Variants in KCNMA1 observed in about 807,000 individuals in gnomAD.
KCNMA1 encodes the protein Calcium-activated potassium channel subunit alpha-1.
KCNMA1 carries 29 observed loss-of-function variants against 140.0 expected under a neutral mutation model. The observed-to-expected ratio is 0.21, with a 90% CI of 0.15 to 0.28. KCNMA1 has a LOEUF of 0.28. KCNMA1 is among the 10% of genes least tolerant of loss of function. The pLI is 1.00. For missense variants in KCNMA1, 880 were observed against 1,602.2 expected (o/e 0.55, Z 7.70); for synonymous variants, 612 against 611.9 (o/e 1.00, Z 0.00).
chr10:77,414,898 G>A (rs2096705956), intron 1 of KCNMA1, among the ~76,000 whole-genome samples: 1 of 152,138 alleles, frequency 6.6e-6, no homozygotes, highest in East Asian at 1.9e-4. Context: ...TAACTCTGAA[G>A]GCCATATTTT....
At chr10:77,571,842 A>AC (rs1464997839) in intron 1 of KCNMA1, among the ~76,000 whole-genome samples, 4 of 152,188 alleles carry the variant, frequency 2.6e-5, no homozygotes, top group Admixed American at 1.3e-4. Flanking sequence ...AGCTAGATAC[A>AC]CCTTTCTTTG....
At chr10:76,936,460 C>G (rs539648460) in intron 23 of KCNMA1, among the ~76,000 whole-genome samples, 25 of 152,254 alleles carry the variant, frequency 1.6e-4, no homozygotes, top group African/African-American at 4.8e-4. Context: ...GGGACGGAAG[C>G]CAACAGCAGT....
At chr10:77,252,560 G>T (rs2059870787) in intron 2 of KCNMA1, among the ~76,000 whole-genome samples, 3 of 87,508 alleles carry the variant, frequency 3.4e-5, no homozygotes, top group South Asian at 3.7e-4. Flanking sequence ...TGTGTGTGCG[G>T]GCACGTGTGC....
intron 1 of KCNMA1, among the ~76,000 whole-genome samples, chr10:77,426,285 T>A (rs674840): frequency 0.47 from 71,849 of 152,016 alleles, 18,149 homozygotes; most frequent in African/African-American, 0.65. Context: ...TGGGCACTCA[T>A]ATAAAGCTTA....
chr10:77,628,430 T>C (rs1603639013), intron 1 of KCNMA1, among the ~76,000 whole-genome samples: 2 of 151,986 alleles, frequency 1.3e-5, no homozygotes, highest in South Asian at 4.1e-4. Context: ...CCAAGGCGGG[T>C]GGATCATTTG....
At chr10:77,394,328 T>C (rs2095955424) in intron 2 of KCNMA1, among the ~76,000 whole-genome samples, 2 of 152,152 alleles carry the variant, frequency 1.3e-5, no homozygotes, top group African/African-American at 4.8e-5. Flanking sequence ...GCTAGTAAAA[T>C]TAACAGCTGC....
intron 5 of KCNMA1, among the ~76,000 whole-genome samples, chr10:77,154,815 C>T (rs1369527999): frequency 2.6e-5 from 4 of 152,212 alleles, no homozygotes; most frequent in African/African-American, 9.7e-5. Flanking sequence ...CAAGAAACAA[C>T]TAAACAATGA....
chr10:77,252,011 G>A (rs1312862687), intron 2 of KCNMA1, among the ~76,000 whole-genome samples: 2 of 152,182 alleles, frequency 1.3e-5, no homozygotes, highest in African/African-American at 4.8e-5. Flanking sequence ...GAAATATTTA[G>A]GAAAGTAGTT....
At chr10:77,453,304 A>G (rs1351477469) in intron 1 of KCNMA1, among the ~76,000 whole-genome samples, 1 of 152,068 alleles carries the variant, frequency 6.6e-6, no homozygotes, top group African/African-American at 2.4e-5. Context: ...TCTGACACCC[A>G]CTGAGAAATT....
At chr10:77,004,225 A>ACACACACC (rs1358021190) in intron 18 of KCNMA1, among the ~76,000 whole-genome samples, 1 of 151,638 alleles carries the variant, frequency 6.6e-6, no homozygotes, top group African/African-American at 2.4e-5. Context: ...ACACACACAC[A>ACACACACC]CACACACACA....
chr10:77,359,204 C>T (rs915375043), intron 2 of KCNMA1, among the ~76,000 whole-genome samples: 1 of 152,176 alleles, frequency 6.6e-6, no homozygotes, highest in Admixed American at 6.5e-5. Context: ...GCCTGCAGTT[C>T]TGCTGTTACC....
At chr10:77,601,873 A>T (rs1201667378) in intron 1 of KCNMA1, among the ~76,000 whole-genome samples, 2 of 152,086 alleles carry the variant, frequency 1.3e-5, no homozygotes, top group Non-Finnish European at 2.9e-5. Flanking sequence ...GGTGGCGCAG[A>T]CTCTGCTAAT....
intron 1 of KCNMA1, among the ~76,000 whole-genome samples, chr10:77,420,455 G>A (rs1245438288): frequency 2.0e-5 from 3 of 152,204 alleles, no homozygotes; most frequent in African/African-American, 2.4e-5. Flanking sequence ...TAGAGCTAAC[G>A]TCTCCAGGGC....
Position 76,886,946 on chromosome 10 carries a change from T to C in KCNMA1, c.*320A>G, listed in dbSNP as rs200592558. ...ATAAACTTGCTCTGCCTAACTGACGTTGATCACAAGTGCTCCCTTCTAATC... is the reference window on the plus strand; with the variant it reads ...ATAAACTTGCTCTGCCTAACTGACGCTGATCACAAGTGCTCCCTTCTAATC... On this transcript the variant is annotated 3_prime_UTR_variant, in exon 28 of 28. Transcript: ENST00000286628. 1.1e-5 allele frequency: 13 copies of C among 1,202,966 alleles called. No homozygotes were observed. Among genetic ancestry groups the C allele is most frequent in the African/African-American group, 1.6e-5 (1 of 63,762 alleles). The allele number at this position is 1,202,966 out of a possible 1,614,324, so 74.5% of individuals were successfully genotyped here.
intron 2 of KCNMA1, among the ~76,000 whole-genome samples, chr10:77,262,842 T>A (rs1388512100): frequency 1.3e-5 from 2 of 151,998 alleles, no homozygotes; most frequent in Non-Finnish European, 2.9e-5. Context: ...CCAAGATAAA[T>A]CTCTTTTCTT....
chr10:77,466,145 C>G lies in KCNMA1; in HGVS notation c.379-62122G>C, dbSNP rs76408680. 8.7e-3 allele frequency among the ~76,000 whole-genome samples: 1,323 copies of G among 152,256 alleles called. 19 individuals are homozygous for G. Among genetic ancestry groups the G allele is most frequent in the African/African-American group, 0.03 (1,266 of 41,538 alleles). ...CCCAGACCTCTCTGCCCCTCTGAAG[C>G]CTGGCTGCCCTCACTCCTCGATCCT... On this transcript the variant is annotated intron_variant, in intron 1 of 27. Transcript: ENST00000286628.
intron 22 of KCNMA1, among the ~76,000 whole-genome samples, chr10:76,947,155 T>C (rs745435362): frequency 4.1e-5 from 6 of 146,912 alleles, no homozygotes; most frequent in Non-Finnish European, 9.0e-5. Flanking sequence ...GCCAACATGG[T>C]GAAACCCTGT....
intron 1 of KCNMA1, among the ~76,000 whole-genome samples, chr10:77,432,099 C>A (rs1436823410): frequency 6.6e-6 from 1 of 152,196 alleles, no homozygotes; most frequent in South Asian, 2.1e-4. Flanking sequence ...TCCAGGCTCC[C>A]AGAGCCACAG....
At chr10:77,405,146 G>A (rs1398307147) in intron 1 of KCNMA1, among the ~76,000 whole-genome samples, 1 of 152,156 alleles carries the variant, frequency 6.6e-6, no homozygotes, top group Non-Finnish European at 1.5e-5. Context: ...GTTCTGCCTG[G>A]AATACTCTTC....
Sources: allele counts gnomAD v4.1 joint callset (sites outside exome capture counted in the v4.1 genomes callset), GRCh38; gene constraint gnomAD v4.1.1; transcripts MANE v1.5; gene names NCBI Gene and HGNC (gene_info 2026-07-23, HGNC 2026-07-21).